Variants in GGA3 observed in about 807,000 individuals in gnomAD.
GGA3 encodes golgi associated, gamma adaptin ear containing, ARF binding protein 3.
In GGA3, 57 loss-of-function variants were observed where a neutral mutation model predicts 77.5. That is an observed-to-expected ratio of 0.74 (90% CI 0.59 to 0.92). The LOEUF is 0.92. Ranked by LOEUF, GGA3 falls within the 40% of genes least tolerant of loss-of-function variation. The pLI is 0.00. For missense variants in GGA3, 970 were observed against 914.9 expected (o/e 1.06, Z -0.78); for synonymous variants, 416 against 383.7 (o/e 1.08, Z -0.98).
chr17:75,238,177 C>G lies in GGA3; in HGVS notation c.*102G>C. ...GGGCCCCTGTTCCACATCAAAGCTA[C>G]AAGCACTGTTGTCAGGGCATGGAGA... is the stretch of plus-strand genomic sequence containing the variant. On this transcript the variant is annotated 3_prime_UTR_variant, in exon 17 of 17. Transcript: ENST00000537686. 1 of 1,518,926 alleles carries G rather than the reference C, an allele frequency of 6.6e-7. No individual in the cohort carries two copies. The highest frequency in any genetic ancestry group is 2.0e-4 in the Middle Eastern group (1 of 5,094). 94.1% of individuals were successfully genotyped at this position (1,518,926 alleles called of 1,614,324 possible). A position where few individuals can be genotyped will look rare whatever the true frequency, so the allele number is the denominator to read the frequency against.
Position 75,261,565 on chromosome 17 carries a change from C to G in GGA3, c.23G>C (p.Ser8Thr), listed in dbSNP as rs374161024. 50 of 1,555,056 alleles carry G rather than the reference C, an allele frequency of 3.2e-5. No individual in the cohort carries two copies. The Middle Eastern group carries it at 1.2e-3, about 38-fold the overall frequency. ...CTACTCACTGAGCCAGGACTCCAGG[C>G]TTTCCCCTTCCGCCTCCGCCATATT... The part of the protein sequence containing the change: MAEAEGE[S>T]LESWLNKATN... Residue 8 changes from serine to threonine, a missense_variant, in exon 1 of 17, where the codon AGC (serine) becomes ACC (threonine). Physicochemically the swap from Ser to Thr is moderately conservative, Grantham distance 58. Coordinates refer to ENST00000537686, the MANE Select transcript of GGA3 (RefSeq NM_138619.4).
intron 1 of GGA3, among the ~76,000 whole-genome samples, chr17:75,251,316 T>A (rs1198366211): frequency 6.8e-6 from 1 of 146,374 alleles, no homozygotes; most frequent in Non-Finnish European, 1.5e-5. Flanking sequence ...TCAAGGAGGC[T>A]GTGCTCTCCT....
chr17:75,261,306 C>A (rs1330114470), intron 1 of GGA3, among the ~76,000 whole-genome samples: 1 of 152,252 alleles, frequency 6.6e-6, no homozygotes, highest in East Asian at 1.9e-4. Flanking sequence ...CGACAGGAGC[C>A]CGAGTTCACG....
rs866206990 is a variant in GGA3 at position 75,241,976 on chromosome 17, C to T, written c.748-280G>A. ...CATGTTCCTCAGAACTCAAAATATCCACCCAACCATGGCCTGCACCACATG... is the reference window on the plus strand; with the variant it reads ...CATGTTCCTCAGAACTCAAAATATCTACCCAACCATGGCCTGCACCACATG... On this transcript the variant is annotated intron_variant, in intron 8 of 16. Coordinates refer to ENST00000537686, the MANE Select transcript of GGA3 (RefSeq NM_138619.4). 3 of 552,896 alleles carry T rather than the reference C, an allele frequency of 5.4e-6. No homozygotes were observed. The East Asian group carries it at 9.3e-5, about 17-fold the overall frequency. The allele number at this position is 552,896 out of a possible 1,614,324, so 34.2% of individuals were successfully genotyped here. A position where few individuals can be genotyped will look rare whatever the true frequency, so the allele number is the denominator to read the frequency against.
chr17:75,259,310 A>G (rs2077265126), intron 1 of GGA3, among the ~76,000 whole-genome samples: 1 of 151,580 alleles, frequency 6.6e-6, no homozygotes, highest in Non-Finnish European at 1.5e-5. Flanking sequence ...CTCCTATAAC[A>G]CCCCACGTAG....
intron 1 of GGA3, among the ~76,000 whole-genome samples, chr17:75,251,706 C>CAAAAAA (rs35924573): frequency 1.5e-5 from 1 of 68,250 alleles, no homozygotes; most frequent in African/African-American, 5.1e-5. Flanking sequence ...GACTCCTTCT[C>CAAAAAA]AAAAAAAAAA....
At chr17:75,248,041 T>C (rs1317499424) in intron 1 of GGA3, among the ~76,000 whole-genome samples, 1 of 152,110 alleles carries the variant, frequency 6.6e-6, no homozygotes, top group Non-Finnish European at 1.5e-5. Context: ...GCACACCCCT[T>C]AAAACACTCC....
rs549420554 is a variant in GGA3, at chr17:75,240,258, C to G, written c.1263+84G>C. 104 of 1,155,766 alleles carry G rather than the reference C, an allele frequency of 9.0e-5. 2 individuals carry two copies. In the South Asian group the frequency reaches 1.3e-3, roughly 15 times the overall value. 71.6% of individuals were successfully genotyped at this position (1,155,766 alleles called of 1,614,324 possible). ...AGCTGGCACGCTCTGGAGGGAAGGA[C>G]AGCTAACTGCAGCCCAGGAGACATG... On this transcript the variant is annotated intron_variant, in intron 12 of 16. Coordinates refer to ENST00000537686, the MANE Select transcript of GGA3 (RefSeq NM_138619.4).
intron 1 of GGA3, chr17:75,248,884 G>A: frequency 1.0e-6 from 1 of 985,080 alleles, no homozygotes; most frequent in Non-Finnish European, 1.2e-6. Flanking sequence ...CTCCTTCACT[G>A]GCAACAGGGC....
rs978794414 is a variant in GGA3 at position 75,239,578 on chromosome 17, G to A, written c.1584-7C>T. 1.3e-6 allele frequency: 2 copies of A among 1,552,930 alleles called. No individual in the cohort carries two copies. The highest frequency in any genetic ancestry group is 2.7e-5 in the African/African-American group (2 of 73,132). The stretch of plus-strand genomic sequence containing the variant: ...TTTCACCAAGCCCGAGGTCCTGGGA[G>A]GTGGGAAGGATGGAAAGCACGTCAG... On this transcript the variant is annotated splice_polypyrimidine_tract_variant and splice_region_variant and intron_variant, in intron 13 of 16. Transcript: ENST00000537686.
In GGA3 at chr17:75,241,504, T is replaced by C. The variant is rs1222061528; in HGVS notation, c.842A>G (p.Gln281Arg). 1.4e-5 allele frequency: 23 copies of C among 1,612,964 alleles called. No individual in the cohort carries two copies. The highest frequency in any genetic ancestry group is 1.9e-5 in the Non-Finnish European group (22 of 1,179,058). ...GACCCGGGAGAGGTTGTCACTGGCT[T>C]GCAGGATGTCCCCTGGAGCAGGAAA... ...DNDNSLGDIL[Q>R]ASDNLSRVIN... The change falls in exon 10 of 17, where the codon CAA becomes CGA. Residue 281 changes from glutamine to arginine, a missense_variant. Transcript: ENST00000537686.
chr17:75,240,739 G>A, intron 11 of GGA3, 73 bp downstream of exon 11: 1 of 1,490,744 alleles, frequency 6.7e-7, no homozygotes, highest in Non-Finnish European at 8.9e-7. Context: ...CCCGCTCAGG[G>A]CTCCTAATTC....
chr17:75,259,476 C>T (rs1383953040), intron 1 of GGA3, among the ~76,000 whole-genome samples: 1 of 151,918 alleles, frequency 6.6e-6, no homozygotes, highest in Non-Finnish European at 1.5e-5. Context: ...AGGAGAGCAA[C>T]GTGTATTGGT....
At chr17:75,244,788 C>T in intron 3 of GGA3, 71 bp from the exon 4 acceptor site, 8 of 967,340 alleles carry the variant, frequency 8.3e-6, no homozygotes, top group Non-Finnish European at 1.3e-5. Flanking sequence ...TGGCAAGATC[C>T]CTGGCACCCA....
chr17:75,246,180 G>A (rs1354658913), intron 3 of GGA3, among the ~76,000 whole-genome samples: 1 of 152,222 alleles, frequency 6.6e-6, no homozygotes, highest in African/African-American at 2.4e-5. Flanking sequence ...AGCCCTGTCA[G>A]CATCTCTTCA....
rs374064663 is a variant in GGA3 at position 75,246,498 on chromosome 17, G to A, written c.201+11C>T. 2.4e-5 allele frequency: 38 copies of A among 1,577,088 alleles called. No homozygotes were observed. The highest frequency in any genetic ancestry group is 3.2e-5 in the Non-Finnish European group (37 of 1,146,306). ...GCTGCGGTTTCCACCTCCGGAGAGT[G>A]AAGGACCTACCGTCAGGGCCTGGAG... On this transcript the variant is annotated intron_variant, in intron 3 of 16. Coordinates refer to ENST00000537686, the MANE Select transcript of GGA3 (RefSeq NM_138619.4).
At chr17:75,257,057 CT>C (rs1315295607) in intron 1 of GGA3, among the ~76,000 whole-genome samples, 3 of 152,006 alleles carry the variant, frequency 2.0e-5, no homozygotes, top group Non-Finnish European at 2.9e-5. Context: ...GGTCCTCCGT[CT>C]TCAAGAAAAG....
Position 75,236,773 on chromosome 17 carries a change from C to T in GGA3, c.*1506G>A, listed in dbSNP as rs949500381. On this transcript the variant is annotated 3_prime_UTR_variant, in exon 17 of 17. Transcript: ENST00000537686. ...CATTTCCACATAGTAATTCCACAGA[C>T]ATTCCCAGGGCTGCAGCAGCCAGTC... 3 of 153,902 alleles carry T rather than the reference C, an allele frequency of 1.9e-5. No homozygotes were observed. Among genetic ancestry groups the T allele is most frequent in the African/African-American group, 7.2e-5 (3 of 41,458 alleles). 9.5% of individuals were successfully genotyped at this position (153,902 alleles called of 1,614,324 possible).
In GGA3 at chr17:75,237,106, A is replaced by C; in HGVS notation, c.*1173T>G. On this transcript the variant is annotated 3_prime_UTR_variant, in exon 17 of 17. Coordinates refer to ENST00000537686, the MANE Select transcript of GGA3 (RefSeq NM_138619.4). ...TTTTTTTGTGACGGAGGCTTGGAGT[A>C]CATGTCCCAGGATCACATCCAGCAG... 1 of 287,768 alleles carries C rather than the reference A, an allele frequency of 3.5e-6. No homozygotes were observed. The highest frequency in any genetic ancestry group is 6.6e-6 in the Non-Finnish European group (1 of 151,592). The allele number at this position is 287,768 out of a possible 1,614,324, so 17.8% of individuals were successfully genotyped here.
Sources: gnomAD v4.1 joint callset for allele counts (sites outside exome capture counted in the v4.1 genomes callset) on GRCh38, gnomAD v4.1.1 for gene constraint, MANE v1.5 for transcripts, NCBI Gene and HGNC (gene_info 2026-07-23, HGNC 2026-07-21) for gene names.